ADAMTS2: variants seen among roughly 807,000 people sequenced by gnomAD.
The protein encoded by ADAMTS2 is A disintegrin and metalloproteinase with thrombospondin motifs 2.
A neutral mutation model predicts 123.0 loss-of-function variants in ADAMTS2; 50 were observed. The ratio of observed to expected loss-of-function variants is 0.41; its 90% confidence interval spans 0.32 to 0.51. ADAMTS2 has a LOEUF of 0.51. Ranked by LOEUF, ADAMTS2 falls within the 20% of genes least tolerant of loss-of-function variation. ADAMTS2 has a pLI of 0.35. For synonymous variants in ADAMTS2, 678 were observed against 695.4 expected (o/e 0.98, Z 0.39); for missense variants, 1,494 against 1,705.2 (o/e 0.88, Z 2.18).
At chr5:179,328,060 G>C (rs1274299993) in intron 2 of ADAMTS2, among the ~76,000 whole-genome samples, 1 of 152,188 alleles carries the variant, frequency 6.6e-6, no homozygotes, top group Non-Finnish European at 1.5e-5. Context: ...ACAGAGTCTC[G>C]CTCTGTCGCC....
intron 5 of ADAMTS2, among the ~76,000 whole-genome samples, chr5:179,169,516 G>C (rs975206349): frequency 6.6e-6 from 1 of 152,204 alleles, no homozygotes; most frequent in East Asian, 1.9e-4. Context: ...GATGATGTGG[G>C]TGGGCCATCA....
intron 13 of ADAMTS2, among the ~76,000 whole-genome samples, chr5:179,133,174 C>T (rs552063922): frequency 7.8e-4 from 119 of 152,300 alleles, no homozygotes; most frequent in Non-Finnish European, 1.4e-3. Context: ...CCTGTGCACG[C>T]GGCTGGTCTT....
intron 3 of ADAMTS2, among the ~76,000 whole-genome samples, chr5:179,220,671 C>G (rs1765104117): frequency 6.6e-6 from 1 of 152,188 alleles, no homozygotes; most frequent in Non-Finnish European, 1.5e-5. Context: ...CGCTCTATGC[C>G]CTCTGTACTG....
At chr5:179,311,564 C>T (rs143016899) in intron 2 of ADAMTS2, among the ~76,000 whole-genome samples, 2 of 152,342 alleles carry the variant, frequency 1.3e-5, no homozygotes. Flanking sequence ...TTATCAAGAA[C>T]TCTGCTAAGT....
chr5:179,240,018 G>C (rs1188863203), intron 3 of ADAMTS2, among the ~76,000 whole-genome samples: 3 of 152,196 alleles, frequency 2.0e-5, no homozygotes, highest in Non-Finnish European at 4.4e-5. Flanking sequence ...AGTGAGAGGA[G>C]AGGAATCGAA....
At position 179,162,617 on chromosome 5, in the gene ADAMTS2, G is replaced by A. The variant is rs961312596; in HGVS notation, c.976-3738C>T. Among the ~76,000 whole-genome samples, 2 of 152,184 alleles carry A rather than the reference G, an allele frequency of 1.3e-5. No individual in the cohort carries two copies. Among genetic ancestry groups the A allele is most frequent in the Non-Finnish European group, 1.5e-5 (1 of 68,028 alleles). On this transcript the variant is annotated intron_variant, in intron 5 of 21. Transcript: ENST00000251582. The surrounding 1 kb of genome is among the most constrained non-coding windows in gnomAD (Gnocchi z 5.1). ...TTACCCCACACGGTCGCCCCTGCTC[G>A]AGGGACCCAAGAGACAACAAGAGAA... is the stretch of plus-strand genomic sequence containing the variant.
Position 179,236,652 on chromosome 5 carries a change from G to A in ADAMTS2, c.689-28937C>T, listed in dbSNP as rs151249122. ...TACACATAAAAAAAATTAGCCAAAC[G>A]TAATGGGGTGCACCTGCAGTCCCAG... On this transcript the variant is annotated intron_variant, in intron 3 of 21. Transcript: ENST00000251582. 4.3e-3 allele frequency among the ~76,000 whole-genome samples: 648 copies of A among 152,246 alleles called. 2 individuals are homozygous for A. Among genetic ancestry groups the A allele is most frequent in the Middle Eastern group, 6.8e-3 (2 of 294 alleles).
intron 2 of ADAMTS2, among the ~76,000 whole-genome samples, chr5:179,311,198 G>A (rs990331460): frequency 1.3e-5 from 2 of 152,196 alleles, no homozygotes; most frequent in African/African-American, 2.4e-5. Flanking sequence ...GGAAGGCCAC[G>A]TCCCCATCCC....
rs586985 is a variant in ADAMTS2 at position 179,312,326 on chromosome 5, G to T, written c.534+31441C>A. On this transcript the variant is annotated intron_variant, in intron 2 of 21. Coordinates refer to ENST00000251582, the MANE Select transcript of ADAMTS2 (RefSeq NM_014244.5). This position sits in a 1 kb window ranked among gnomAD's most constrained non-coding sequence, Gnocchi z 4.2. The stretch of plus-strand genomic sequence containing the variant: ...CTACTCCCCCAAGGTGATATATTAG[G>T]AAGTGGGGCCTTTGGGAGGTGATTA... Among the ~76,000 whole-genome samples the T allele has an allele frequency of 1.3e-5, 2 of 152,138 alleles. No individual in the cohort carries two copies. Among genetic ancestry groups the T allele is most frequent in the East Asian group, 3.9e-4 (2 of 5,190 alleles).
At chr5:179,241,281 C>T (rs1191893128) in intron 3 of ADAMTS2, among the ~76,000 whole-genome samples, 4 of 152,198 alleles carry the variant, frequency 2.6e-5, no homozygotes, top group Non-Finnish European at 5.9e-5. Context: ...TCCTCGGGAA[C>T]GTTAGCTGTG....
At chr5:179,229,275 C>A (rs1187121065) in intron 3 of ADAMTS2, among the ~76,000 whole-genome samples, 1 of 151,888 alleles carries the variant, frequency 6.6e-6, no homozygotes, top group Non-Finnish European at 1.5e-5. Flanking sequence ...CCCCGCTGCC[C>A]ACTCCCGACG....
In ADAMTS2 at chr5:179,137,958, C is replaced by A; in HGVS notation, c.1776-14G>T. 1 of 1,542,768 alleles carries A rather than the reference C, an allele frequency of 6.5e-7. No individual in the cohort carries two copies. Among genetic ancestry groups the A allele is most frequent in the Non-Finnish European group, 8.7e-7 (1 of 1,147,046 alleles). ...CCGTTGGCCGGGCTGGAGGAGAAAG[C>A]AAAGGCCTTGCCGCTCCGTGCCATT... On this transcript the variant is annotated splice_polypyrimidine_tract_variant and intron_variant, in intron 11 of 21. Transcript: ENST00000251582.
intron 6 of ADAMTS2, 27 bp from the exon 7 acceptor site, chr5:179,154,946 G>C (rs1231675628): frequency 6.3e-7 from 1 of 1,598,678 alleles, no homozygotes; most frequent in Admixed American, 1.7e-5. Context: ...GGCGGCTCCA[G>C]ATGCTGCCAT....
At chr5:179,233,107 T>C (rs1475438485) in intron 3 of ADAMTS2, among the ~76,000 whole-genome samples, 1 of 152,266 alleles carries the variant, frequency 6.6e-6, no homozygotes, top group Admixed American at 6.5e-5. Context: ...CACTGTTTAC[T>C]GGGAGAATCG....
chr5:179,306,107 A>T (rs956671138), intron 2 of ADAMTS2, among the ~76,000 whole-genome samples: 1 of 152,148 alleles, frequency 6.6e-6, no homozygotes, highest in Non-Finnish European at 1.5e-5. Context: ...TTACCCTGAT[A>T]TTAAAACCAG....
chr5:179,158,714 G>A lies in ADAMTS2; in HGVS notation c.1132+9C>T. The A allele has an allele frequency of 6.2e-7, 1 of 1,614,122 alleles. No individual in the cohort carries two copies. The highest frequency in any genetic ancestry group is 8.5e-7 in the Non-Finnish European group (1 of 1,180,040). On this transcript the variant is annotated intron_variant, in intron 6 of 21. Coordinates refer to ENST00000251582, the MANE Select transcript of ADAMTS2 (RefSeq NM_014244.5). The surrounding 1 kb of genome is among the most constrained non-coding windows in gnomAD (Gnocchi z 5.0). Reference sequence around the variant, plus strand: ...CACGCCTCTGTGGCCCTGCATGGGTGAGGCTCACCTTGCATGCCGGAAGGC... The same window carrying A: ...CACGCCTCTGTGGCCCTGCATGGGTAAGGCTCACCTTGCATGCCGGAAGGC...
At chr5:179,335,223 AG>A (rs1341635078) in intron 2 of ADAMTS2, among the ~76,000 whole-genome samples, 14 of 152,122 alleles carry the variant, frequency 9.2e-5, no homozygotes, top group African/African-American at 3.4e-4. Context: ...TAAAAAAAAA[AG>A]ACACAGGTGA....
rs943499021 is a variant in ADAMTS2 at position 179,128,202 on chromosome 5, G to A, written c.2458-84C>T. On this transcript the variant is annotated intron_variant, in intron 16 of 21. Coordinates refer to ENST00000251582, the MANE Select transcript of ADAMTS2 (RefSeq NM_014244.5). The surrounding 1 kb of genome is among the most constrained non-coding windows in gnomAD (Gnocchi z 4.9). Reference sequence around the variant, plus strand: ...CAGCTTAGGAACGGCAGCTGAGGCCGACTCCAGAGGAGTCTCATCATTCAT... The same window carrying A: ...CAGCTTAGGAACGGCAGCTGAGGCCAACTCCAGAGGAGTCTCATCATTCAT... 5.0e-5 allele frequency: 77 copies of A among 1,526,834 alleles called. No individual in the cohort carries two copies. Among genetic ancestry groups the A allele is most frequent in the Non-Finnish European group, 6.3e-5 (71 of 1,118,258 alleles). The allele number at this position is 1,526,834 out of a possible 1,614,324, so 94.6% of individuals were successfully genotyped here.
rs538813164 is a variant in ADAMTS2 at position 179,158,132 on chromosome 5, T to G, written c.1132+591A>C. On this transcript the variant is annotated intron_variant, in intron 6 of 21. Transcript: ENST00000251582. The surrounding 1 kb of genome is among the most constrained non-coding windows in gnomAD (Gnocchi z 5.0). ...GGCGCCCGCCACCATGCCCTGCTAA[T>G]TTTTTTGTATTTTTATTAGAGACGG... is the stretch of plus-strand genomic sequence containing the variant. Among the ~76,000 whole-genome samples, 1 of 152,118 alleles carries G rather than the reference T, an allele frequency of 6.6e-6. No homozygotes were observed. The highest frequency in any genetic ancestry group is 1.9e-4 in the East Asian group (1 of 5,146).
Sources: gnomAD v4.1 joint callset for allele counts (sites outside exome capture counted in the v4.1 genomes callset) on GRCh38, gnomAD v4.1.1 for gene constraint, Gnocchi (gnomAD v3.1) non-coding constraint, MANE v1.5 for transcripts, NCBI Gene and HGNC (gene_info 2026-07-23, HGNC 2026-07-21) for gene names.